PNPLA3: variants seen among roughly 807,000 people sequenced by gnomAD.
PNPLA3 encodes the protein 1-acylglycerol-3-phosphate O-acyltransferase PNPLA3.
In PNPLA3, 42 loss-of-function variants were observed where a neutral mutation model predicts 43.1. The ratio of observed to expected loss-of-function variants is 0.97; its 90% CI spans 0.76 to 1.26. PNPLA3 has a LOEUF of 1.26. Among genes scored for constraint, PNPLA3 ranks in the 50% most tolerant of loss-of-function variants. The pLI, the probability that PNPLA3 is intolerant of heterozygous loss-of-function variation, is 0.00. For missense variants in PNPLA3, 647 were observed against 621.4 expected (o/e 1.04, Z -0.44); for synonymous variants, 272 against 253.6 (o/e 1.07, Z -0.69).
In PNPLA3 at chr22:43,930,155, C is replaced by T. The variant is rs539018120; in HGVS notation, c.486+1266C>T. ...CCATTACAGACTACGTGCTCCTGTG[C>T]GTTATCTTATAGGGTCCCCACAACC... On this transcript the variant is annotated intron_variant, in intron 3 of 8. Transcript: ENST00000216180. Among the ~76,000 whole-genome samples, 9 of 152,240 alleles carry T rather than the reference C, an allele frequency of 5.9e-5. 2 individuals carry two copies. In the East Asian group the frequency reaches 1.5e-3, roughly 26 times the overall value.
intron 3 of PNPLA3, among the ~76,000 whole-genome samples, chr22:43,932,497 G>A (rs563410402): frequency 9.9e-5 from 15 of 152,260 alleles, no homozygotes; most frequent in South Asian, 2.1e-4. Context: ...CTCTGTCCCC[G>A]TGCACTGAGC....
At chr22:43,941,348 G>C (rs1223339567) in intron 7 of PNPLA3, among the ~76,000 whole-genome samples, 2 of 108,972 alleles carry the variant, frequency 1.8e-5, no homozygotes, top group African/African-American at 6.6e-5. Context: ...GGGGGGGATG[G>C]GGGGTGGGGA....
At chr22:43,945,463 C>T (rs1364585700) in intron 8 of PNPLA3, among the ~76,000 whole-genome samples, 1 of 152,202 alleles carries the variant, frequency 6.6e-6, no homozygotes, top group Non-Finnish European at 1.5e-5. Flanking sequence ...ACTTGGCTAA[C>T]AGGGGTGATC....
intron 7 of PNPLA3, among the ~76,000 whole-genome samples, chr22:43,944,453 G>GTTT (rs896190125): frequency 6.6e-6 from 1 of 151,102 alleles, no homozygotes. Context: ...AAGCCAAGGT[G>GTTT]TTTTTTTTTC....
chr22:43,924,710 T>G (rs1478110429), intron 1 of PNPLA3, among the ~76,000 whole-genome samples: 3 of 151,056 alleles, frequency 2.0e-5, no homozygotes, highest in African/African-American at 7.3e-5. Context: ...TGCAGTGGCG[T>G]GATCTCAACT....
intron 7 of PNPLA3, among the ~76,000 whole-genome samples, chr22:43,942,707 T>TC (rs2050039169): frequency 6.9e-6 from 1 of 145,896 alleles, no homozygotes; most frequent in Non-Finnish European, 1.5e-5. Flanking sequence ...TTTTCTTTTT[T>TC]TTTTTTTTTT....
chr22:43,944,625 G>T, intron 7 of PNPLA3, 66 bp from the exon 8 acceptor site: 2 of 1,316,626 alleles, frequency 1.5e-6, no homozygotes. Context: ...TGTAAACAAA[G>T]GGTAGTGTTG....
intron 8 of PNPLA3, among the ~76,000 whole-genome samples, chr22:43,945,495 C>T (rs534085111): frequency 7.9e-5 from 12 of 152,296 alleles, no homozygotes; most frequent in African/African-American, 2.2e-4. Flanking sequence ...AATGGGTTTC[C>T]GTGAGCTCCT....
chr22:43,936,679 A>G (rs1463205582), intron 5 of PNPLA3, among the ~76,000 whole-genome samples: 15 of 152,152 alleles, frequency 9.9e-5, no homozygotes, highest in Admixed American at 9.8e-4. Flanking sequence ...TGAAAAATGG[A>G]GATGATGATA....
rs560268287 is a variant in PNPLA3, at chr22:43,941,752, G to A, written c.1112+1627G>A. Among the ~76,000 whole-genome samples, 5 of 151,982 alleles carry A rather than the reference G, an allele frequency of 3.3e-5. No individual in the cohort carries two copies. The East Asian group carries it at 9.7e-4, about 29-fold the overall frequency. On this transcript the variant is annotated intron_variant, in intron 7 of 8. Transcript: ENST00000216180. ...TCCGCAATATATGGATAGGAAAACC[G>A]ACCTCAGTGGGTTGTCTGACAGTGG... is the stretch of plus-strand genomic sequence containing the variant.
rs564752977 is a variant in PNPLA3, at chr22:43,947,008, A to G, written c.*626A>G. 1.8e-4 allele frequency: 50 copies of G among 274,226 alleles called. 1 individual carries two copies. Among genetic ancestry groups the G allele is most frequent in the South Asian group, 1.8e-3 (49 of 27,676 alleles). The allele number at this position is 274,226 out of a possible 1,614,324, so 17.0% of individuals were successfully genotyped here. ...TATAAAAATGTAAGGAAGCGTTGTTACCTGTTGAATTTTGTATTATGTGAA... is the reference window on the plus strand; with the variant it reads ...TATAAAAATGTAAGGAAGCGTTGTTGCCTGTTGAATTTTGTATTATGTGAA... On this transcript the variant is annotated 3_prime_UTR_variant, in exon 9 of 9. Transcript: ENST00000216180.
intron 8 of PNPLA3, among the ~76,000 whole-genome samples, 200 bp from the exon 9 acceptor site, chr22:43,945,954 A>G (rs2050060152): frequency 6.6e-6 from 1 of 152,134 alleles, no homozygotes; most frequent in Non-Finnish European, 1.5e-5. Context: ...GGTAGCTGGG[A>G]GGGCCACAGG....
chr22:43,927,199 G>A (rs756295187), intron 2 of PNPLA3, 32 bp downstream of exon 2: 8 of 1,597,438 alleles, frequency 5.0e-6, no homozygotes, highest in Non-Finnish European at 3.4e-6. Context: ...ACGTTGTCAA[G>A]TTAGAAAAGC....
Position 43,946,724 on chromosome 22 carries a change from G to A in PNPLA3, c.*342G>A. ...TAGAATGACAGGTGTTTGGATGGGT[G>A]GGGGCCTTGTGATGGGGGGTAGGCT... is the stretch of plus-strand genomic sequence containing the variant. On this transcript the variant is annotated 3_prime_UTR_variant, in exon 9 of 9. Coordinates refer to ENST00000216180, the MANE Select transcript of PNPLA3 (RefSeq NM_025225.3). The A allele has an allele frequency of 1.8e-6, 1 of 541,198 alleles. No individual in the cohort carries two copies. The allele number at this position is 541,198 out of a possible 1,614,324, so 33.5% of individuals were successfully genotyped here.
At chr22:43,938,075 C>G (rs967986415) in intron 6 of PNPLA3, among the ~76,000 whole-genome samples, 1 of 152,104 alleles carries the variant, frequency 6.6e-6, no homozygotes, top group African/African-American at 2.4e-5. Flanking sequence ...CAGGCCCTCA[C>G]CAGACACCAA....
In PNPLA3 at chr22:43,923,894, C is replaced by T. The variant is rs754146812; in HGVS notation, c.-18C>T. 6 of 1,495,848 alleles carry T rather than the reference C, an allele frequency of 4.0e-6. No individual in the cohort carries two copies. The highest frequency in any genetic ancestry group is 2.9e-5 in the African/African-American group (2 of 69,312). The allele number at this position is 1,495,848 out of a possible 1,614,324, so 92.7% of individuals were successfully genotyped here. ...CGACCCAGATCCTAACCCGCGCCCC[C>T]GCCCCGCCGCCGCCGCCATGTACGA... On this transcript the variant is annotated 5_prime_UTR_variant, in exon 1 of 9. Transcript: ENST00000216180.
Position 43,937,241 on chromosome 22 carries a change from C to A in PNPLA3, c.948C>A (p.Ile316=). Residue 316 remains isoleucine (I), a synonymous_variant, in exon 6 of 9, where the codon ATC becomes ATA. Transcript: ENST00000216180. ...GCATCCTGCCCTGGGATGAGAGCAT[C>A]CTGGACACCCTCTCGCCCAGGCTCG... ...RLSILPWDES[I]LDTLSPRLAT... is the part of the protein sequence containing the mutation. The A allele has an allele frequency of 2.5e-6, 4 of 1,614,094 alleles. No individual in the cohort carries two copies. Among genetic ancestry groups the A allele is most frequent in the Non-Finnish European group, 3.4e-6 (4 of 1,180,026 alleles).
intron 7 of PNPLA3, among the ~76,000 whole-genome samples, chr22:43,943,526 C>T (rs963178066): frequency 6.6e-6 from 1 of 152,192 alleles, no homozygotes; most frequent in African/African-American, 2.4e-5. Flanking sequence ...CCAGCCCCCT[C>T]CCCTTCTGCC....
chr22:43,936,947 A>T (rs1253092980), intron 5 of PNPLA3, 104 bp from the exon 6 acceptor site: 1 of 883,642 alleles, frequency 1.1e-6, no homozygotes, highest in Non-Finnish European at 1.8e-6. Context: ...GCATTTGGCT[A>T]ATAACAGGCC....
Sources: allele counts gnomAD v4.1 joint callset (sites outside exome capture counted in the v4.1 genomes callset), GRCh38; gene constraint gnomAD v4.1.1; transcripts MANE v1.5; gene names NCBI Gene and HGNC (gene_info 2026-07-23, HGNC 2026-07-21).